The following FLT4 variants were observed in gnomAD, a reference collection of about 807,000 sequenced individuals.
The protein encoded by FLT4 is vascular endothelial growth factor receptor 3.
In FLT4, 30 loss-of-function variants were observed where a neutral mutation model predicts 163.2. The observed-to-expected ratio is 0.18, with a 90% CI of 0.14 to 0.25. The LOEUF is 0.25. Among genes scored for constraint, FLT4 ranks in the 10% least tolerant of loss-of-function variants. FLT4 has a pLI of 1.00. For synonymous variants in FLT4, 884 were observed against 789.5 expected, an observed-to-expected ratio of 1.12 and a Z score of -2.01; for missense variants, 1,510 against 1,863.8, an observed-to-expected ratio of 0.81 and a Z score of 3.50.
intron 6 of FLT4, 130 bp downstream of exon 6, chr5:180,629,566 C>G (rs2127834896): frequency 6.9e-7 from 1 of 1,449,142 alleles, no homozygotes. Flanking sequence ...GGGTGGAACA[C>G]TTGCCACTCA....
chr5:180,628,860 GGT>G lies in FLT4; in HGVS notation c.1103+20_1103+21del. On this transcript the variant is annotated intron_variant, in intron 8 of 29. Transcript: ENST00000261937. Reference sequence around the variant, plus strand: ...GACTTGGAAGGGTATCGGCGGGGTCGGTGGGGAGCCAGGGCTGTTACCACTGG... The same window carrying G: ...GACTTGGAAGGGTATCGGCGGGGTCGGGGGAGCCAGGGCTGTTACCACTGG... The G allele has an allele frequency of 2.6e-6, 4 of 1,520,842 alleles. No homozygotes were observed. Among genetic ancestry groups the G allele is most frequent in the Non-Finnish European group, 3.6e-6 (4 of 1,108,206 alleles). 94.2% of individuals were successfully genotyped at this position (1,520,842 alleles called of 1,614,324 possible). A position where few individuals can be genotyped will look rare whatever the true frequency, so the allele number is the denominator to read the frequency against.
At chr5:180,607,549 G>T (rs530174876) in intron 29 of FLT4, among the ~76,000 whole-genome samples, 3 of 151,680 alleles carry the variant, frequency 2.0e-5, no homozygotes, top group African/African-American at 7.3e-5. Context: ...GCTGAGGCAG[G>T]AGAATGGCGT....
Position 180,623,848 on chromosome 5 carries a change from G to T in FLT4, c.1548+87C>A. ...GGCTGCTCTGCCCAGCACTCTGGAA[G>T]CCAGGTGGAAACCACATGGCAGTAA... On this transcript the variant is annotated intron_variant, in intron 11 of 29. Coordinates refer to ENST00000261937, the MANE Select transcript of FLT4 (RefSeq NM_182925.5). This position sits in a 1 kb window ranked among gnomAD's most constrained non-coding sequence, Gnocchi z 5.8. 6.4e-7 allele frequency: 1 copy of T among 1,558,366 alleles called. No homozygotes were observed. Among genetic ancestry groups the T allele is most frequent in the Non-Finnish European group, 8.8e-7 (1 of 1,133,030 alleles).
At position 180,622,743 on chromosome 5, in the gene FLT4, A is replaced by G; in HGVS notation, c.1645T>C (p.Phe549Leu). The stretch of plus-strand genomic sequence containing the variant: ...TCTGGTCACTCACTGGTCACATAGA[A>G]GTAGATGAGCCGCTCATCCTGGCCC... ...KVGQDERLIY[F>L]YVTTIPDGFT... Residue 549 changes from phenylalanine (F) to leucine (L), a missense_variant, in exon 12 of 30, where the codon TTC (phenylalanine) becomes CTC (leucine). Around this residue, in one of 5 missense-constraint regions of FLT4, gnomAD observed 878 missense variants for 1,016.7 expected, o/e 0.86. Transcript: ENST00000261937. 1 of 1,607,958 alleles carries G rather than the reference A, an allele frequency of 6.2e-7. No individual in the cohort carries two copies. The highest frequency in any genetic ancestry group is 1.1e-5 in the South Asian group (1 of 90,976).
intron 21 of FLT4, among the ~76,000 whole-genome samples, chr5:180,618,360 TC>T (rs1762831743): frequency 1.3e-5 from 1 of 77,570 alleles, no homozygotes; most frequent in Non-Finnish European, 2.7e-5. Flanking sequence ...CCCCTCAGCC[TC>T]TGGGACACCC....
chr5:180,616,223 C>T, intron 23 of FLT4, 144 bp downstream of exon 23: 1 of 1,182,478 alleles, frequency 8.5e-7, no homozygotes, highest in Non-Finnish European at 1.2e-6. Flanking sequence ...GCAGGAGGTC[C>T]ACCAGCAGCT....
chr5:180,615,193 C>CTG (rs1297290975), intron 23 of FLT4, among the ~76,000 whole-genome samples: 79,081 of 133,026 alleles, frequency 0.59, 22,142 homozygotes, highest in Admixed American at 0.68. Context: ...AGCACTGGGC[C>CTG]CCGCTGGTCA....
At position 180,605,757 on chromosome 5, in the gene FLT4, C is replaced by T. The variant is rs114425878; in HGVS notation, c.3894-2367G>A. On this transcript the variant is annotated intron_variant, in intron 29 of 29. Transcript: ENST00000261937. ...AGTCTCTTACCCAGAAGAGCTAGGC[C>T]CTCCACTGGCTGCACGCAGCCATGC... is the stretch of plus-strand genomic sequence containing the variant. Among the ~76,000 whole-genome samples, 737 of 152,302 alleles carry T rather than the reference C, an allele frequency of 4.8e-3. 6 individuals are homozygous for T. The highest frequency in any genetic ancestry group is 0.017 in the African/African-American group (705 of 41,572).
At chr5:180,647,238 C>T (rs772483548) in intron 1 of FLT4, among the ~76,000 whole-genome samples, 5 of 152,212 alleles carry the variant, frequency 3.3e-5, no homozygotes, top group Non-Finnish European at 5.9e-5. Flanking sequence ...CTGTGACCTA[C>T]CCTCTCCACT....
chr5:180,647,946 A>G (rs977524343), intron 1 of FLT4, among the ~76,000 whole-genome samples: 1 of 152,142 alleles, frequency 6.6e-6, no homozygotes, highest in Non-Finnish European at 1.5e-5. Context: ...TACCTGCAGA[A>G]TGTTCCCTGG....
At chr5:180,650,044 G>C (rs1275535788), upstream of FLT4, among the ~76,000 whole-genome samples, 2 of 151,106 alleles carry the variant, frequency 1.3e-5, no homozygotes, top group African/African-American at 4.9e-5. Flanking sequence ...ATAATACGCC[G>C]AGCTTGGTTG....
At chr5:180,624,108 A>G (rs775611958) in intron 10 of FLT4, 47 bp from the exon 11 acceptor site, 1 of 1,604,412 alleles carries the variant, frequency 6.2e-7, no homozygotes, top group South Asian at 1.1e-5. Flanking sequence ...TACAGGCAGG[A>G]AGGGCCCACA....
In FLT4 at chr5:180,618,789, C is replaced by T; in HGVS notation, c.2982G>A (p.Arg994=). ...RFSKTEGGAR[R]ASPDQEAEDL... ...TCTCACCTTCTTGGTCTGGAGAAGC[C>T]CGCCTCGCTCCGCCCTCGGTCTTCG... is the stretch of plus-strand genomic sequence containing the variant. Residue 994 remains arginine, a synonymous_variant, in exon 21 of 30, where the codon CGG becomes CGA. Coordinates refer to ENST00000261937, the MANE Select transcript of FLT4 (RefSeq NM_182925.5). 6.3e-7 allele frequency: 1 copy of T among 1,588,244 alleles called. No individual in the cohort carries two copies. Among genetic ancestry groups the T allele is most frequent in the Non-Finnish European group, 8.6e-7 (1 of 1,167,998 alleles).
At chr5:180,619,612 G>T (rs1172746320) in intron 18 of FLT4, 53 bp downstream of exon 18, 1 of 1,410,348 alleles carries the variant, frequency 7.1e-7, no homozygotes, top group Non-Finnish European at 1.0e-6. Flanking sequence ...GGCCCACCCC[G>T]AGCTGCTGCT....
At chr5:180,624,198 G>T (rs1763414891) in intron 10 of FLT4, 137 bp from the exon 11 acceptor site, 1 of 946,190 alleles carries the variant, frequency 1.1e-6, no homozygotes, top group Non-Finnish European at 1.6e-6. Flanking sequence ...CTCGGGCCTG[G>T]GTGAGGGAGA....
At chr5:180,628,817 T>G in intron 8 of FLT4, 65 bp downstream of exon 8, 4 of 1,123,738 alleles carry the variant, frequency 3.6e-6, no homozygotes, top group Non-Finnish European at 5.3e-6. Flanking sequence ...TCTTCCCCTA[T>G]GGTCTGTTTT....
chr5:180,621,982 T>TCCTG (rs1763185243), intron 12 of FLT4, 78 bp from the exon 13 acceptor site: 2 of 1,416,726 alleles, frequency 1.4e-6, no homozygotes, highest in African/African-American at 1.7e-5. Context: ...CGGGGTCTCC[T>TCCTG]CCTGCCTCCC....
At chr5:180,609,238 C>T (rs986596148) in intron 28 of FLT4, 185 bp from the exon 29 acceptor site, 63 of 643,350 alleles carry the variant, frequency 9.8e-5, no homozygotes, top group African/African-American at 5.9e-4. Flanking sequence ...GCCCCTGCCA[C>T]GGAGGGAGAC....
rs922783838 is a variant in FLT4 at position 180,623,788 on chromosome 5, G to A, written c.1548+147C>T. ...TGACCTTTCTGCAGGCAGGGTGGCC[G>A]AGGCCTACAGACTGCAGGAAGGTCA... On this transcript the variant is annotated intron_variant, in intron 11 of 29. Coordinates refer to ENST00000261937, the MANE Select transcript of FLT4 (RefSeq NM_182925.5). This position sits in a 1 kb window ranked among gnomAD's most constrained non-coding sequence, Gnocchi z 5.8. 2.8e-5 allele frequency: 27 copies of A among 969,058 alleles called. No individual in the cohort carries two copies. Among genetic ancestry groups the A allele is most frequent in the African/African-American group, 6.4e-5 (4 of 62,662 alleles). The allele number at this position is 969,058 out of a possible 1,614,324, so 60.0% of individuals were successfully genotyped here.
Sources: gnomAD v4.1 joint callset for allele counts (sites outside exome capture counted in the v4.1 genomes callset) on GRCh38, gnomAD v4.1.1 for gene constraint, gnomAD v4.1.1 regional missense constraint, Gnocchi (gnomAD v3.1) non-coding constraint, MANE v1.5 for transcripts, NCBI Gene and HGNC (gene_info 2026-07-23, HGNC 2026-07-21) for gene names.